The following PSAP variants were observed in gnomAD, a reference collection of about 807,000 sequenced individuals.
The protein encoded by PSAP is precursor of saposins.
PSAP carries 25 observed loss-of-function variants against 66.0 expected under a neutral mutation model. The observed-to-expected ratio is 0.38, with a 90% CI of 0.28 to 0.53. The LOEUF (loss-of-function observed/expected upper bound fraction) is 0.53, where lower values mean the gene tolerates loss of function less well. Among genes scored for constraint, PSAP ranks in the 20% least tolerant of loss-of-function variants. The probability of loss-of-function intolerance (pLI) is 0.83; values close to 1 mark genes in which losing one functional copy is unlikely to be tolerated. For missense variants in PSAP, 649 were observed against 668.8 expected (o/e 0.97, Z 0.33); for synonymous variants, 273 against 258.9 (o/e 1.05, Z -0.52).
chr10:71,849,587 A>G (rs1382956197), intron 1 of PSAP, among the ~76,000 whole-genome samples: 3 of 152,164 alleles, frequency 2.0e-5, no homozygotes, highest in East Asian at 1.9e-4. Context: ...CTGGGCAACA[A>G]CAGCGAAACT....
At chr10:71,845,618 C>G (rs1842808168) in intron 1 of PSAP, among the ~76,000 whole-genome samples, 2 of 152,200 alleles carry the variant, frequency 1.3e-5, no homozygotes, top group South Asian at 4.1e-4. Flanking sequence ...ATACTCCATT[C>G]TACTGACTGA....
chr10:71,850,506 T>G (rs531064567), intron 1 of PSAP, among the ~76,000 whole-genome samples: 9 of 152,300 alleles, frequency 5.9e-5, no homozygotes, highest in African/African-American at 2.2e-4. Flanking sequence ...TGATGTCTCG[T>G]GCCTCCCGAA....
chr10:71,825,201 T>A (rs1842379112), intron 7 of PSAP, among the ~76,000 whole-genome samples: 1 of 152,132 alleles, frequency 6.6e-6, no homozygotes, highest in South Asian at 2.1e-4. Context: ...TCAGAAAGCA[T>A]GACAGACAGG....
At chr10:71,845,087 A>G (rs1464378703) in intron 1 of PSAP, among the ~76,000 whole-genome samples, 1 of 152,228 alleles carries the variant, frequency 6.6e-6, no homozygotes, top group Non-Finnish European at 1.5e-5. Flanking sequence ...ACAGGTATGT[A>G]TGCATAAGAT....
chr10:71,823,942 G>A (rs1227026729), intron 7 of PSAP: 2 of 1,276,354 alleles, frequency 1.6e-6, no homozygotes, highest in African/African-American at 3.1e-5. Context: ...ATAAGAGAAA[G>A]GAAAGGACAC....
chr10:71,836,818 C>G (rs1842636224), intron 1 of PSAP, among the ~76,000 whole-genome samples: 1 of 152,226 alleles, frequency 6.6e-6, no homozygotes, highest in Admixed American at 6.5e-5. Context: ...CACACTCTCA[C>G]AGGCCCATGT....
intron 2 of PSAP, among the ~76,000 whole-genome samples, chr10:71,833,024 AAAAAAAACAAAAAAC>A (rs1287118965): frequency 2.0e-5 from 3 of 146,960 alleles, no homozygotes; most frequent in Non-Finnish European, 4.5e-5. Flanking sequence ...CTCAAAAAAA[AAAAAAAACAAAAAAC>A]AAAAACAGAA....
At chr10:71,845,140 T>G (rs542830412) in intron 1 of PSAP, among the ~76,000 whole-genome samples, 1 of 152,318 alleles carries the variant, frequency 6.6e-6, no homozygotes, top group Non-Finnish European at 1.5e-5. Context: ...ACCCACAGCT[T>G]CTGGCAACCC....
chr10:71,833,039 C>CAAAAA lies in PSAP; in HGVS notation c.175-1124_175-1120dup, dbSNP rs1273324060. 6.3e-5 allele frequency among the ~76,000 whole-genome samples: 6 copies of CAAAAA among 95,018 alleles called. No homozygotes were observed. The South Asian group carries it at 1.1e-3, about 17-fold the overall frequency. 62.3% of individuals were successfully genotyped at this position (95,018 alleles called of 152,430 possible). A position where few individuals can be genotyped will look rare whatever the true frequency, so the allele number is the denominator to read the frequency against. ...CTCAAAAAAAAAAAAAAACAAAAAA[C>CAAAAA]AAAAACAGAAGGCCGGGCCATGACA... On this transcript the variant is annotated intron_variant, in intron 2 of 13. Transcript: ENST00000394936.
chr10:71,818,968 G>T, intron 12 of PSAP, 63 bp downstream of exon 12: 2 of 1,477,206 alleles, frequency 1.4e-6, no homozygotes, highest in Non-Finnish European at 1.9e-6. Flanking sequence ...CAACCCTTCC[G>T]GGTCTCTGCA....
intron 11 of PSAP, 85 bp from the exon 12 acceptor site, chr10:71,819,196 C>G: frequency 7.9e-7 from 1 of 1,266,356 alleles, no homozygotes; most frequent in Non-Finnish European, 1.1e-6. Context: ...GCCCTGGATA[C>G]ACTGTTCCCT....
chr10:71,826,573 C>A (rs192677401), intron 6 of PSAP, among the ~76,000 whole-genome samples: 1 of 152,090 alleles, frequency 6.6e-6, no homozygotes, highest in African/African-American at 2.4e-5. Flanking sequence ...ACATTCCTAA[C>A]GGAAAGTCAG....
In PSAP at chr10:71,821,905, GGAT is replaced by G; in HGVS notation, c.877_879del (p.Ile293del). ...ATGGGCTCCACCAGTTCCAGGGCAG[GGAT>G]GACATTCTTGGAGGCCACTTTGGCG... is the stretch of plus-strand genomic sequence containing the variant. On this transcript the variant is annotated inframe_deletion, in exon 8 of 14. Transcript: ENST00000394936. 1 of 1,614,202 alleles carries G rather than the reference GGAT, an allele frequency of 6.2e-7. No homozygotes were observed. Among genetic ancestry groups the G allele is most frequent in the Non-Finnish European group, 8.5e-7 (1 of 1,180,026 alleles).
At chr10:71,821,180 C>G (rs1293701724) in intron 8 of PSAP, among the ~76,000 whole-genome samples, 1 of 152,200 alleles carries the variant, frequency 6.6e-6, no homozygotes, top group East Asian at 1.9e-4. Context: ...AGAGAGGAGA[C>G]AGCAGAGAGA....
At chr10:71,850,565 A>C (rs1375252439) in intron 1 of PSAP, among the ~76,000 whole-genome samples, 1 of 152,228 alleles carries the variant, frequency 6.6e-6, no homozygotes, top group Non-Finnish European at 1.5e-5. Context: ...ACATGTTCTC[A>C]GGACCTCCTG....
At chr10:71,821,056 G>C (rs1196624896) in intron 8 of PSAP, among the ~76,000 whole-genome samples, 1 of 152,230 alleles carries the variant, frequency 6.6e-6, no homozygotes, top group Non-Finnish European at 1.5e-5. Flanking sequence ...CCGTCACTTT[G>C]GTCAGCAGGC....
At chr10:71,821,802 G>A in intron 8 of PSAP, 74 bp downstream of exon 8, 1 of 1,597,922 alleles carries the variant, frequency 6.3e-7, no homozygotes, top group Admixed American at 1.7e-5. Context: ...TGACTCGTAA[G>A]ATGTGATGTG....
intron 1 of PSAP, among the ~76,000 whole-genome samples, chr10:71,838,788 G>A (rs1053753775): frequency 5.9e-5 from 9 of 151,954 alleles, no homozygotes; most frequent in African/African-American, 1.9e-4. Context: ...GGCATCATTA[G>A]GTGATGACCT....
intron 1 of PSAP, among the ~76,000 whole-genome samples, chr10:71,835,905 T>C (rs1036114615): frequency 3.2e-4 from 48 of 151,906 alleles, no homozygotes; most frequent in African/African-American, 1.1e-3. Context: ...TGCTTCCCTC[T>C]GTAAGCCAAT....
Sources: allele counts gnomAD v4.1 joint callset (sites outside exome capture counted in the v4.1 genomes callset), GRCh38; gene constraint gnomAD v4.1.1; transcripts MANE v1.5; gene names NCBI Gene and HGNC (gene_info 2026-07-23, HGNC 2026-07-21).